Variants in PTPRZ1 observed in about 807,000 individuals in gnomAD.
The protein encoded by PTPRZ1 is receptor-type tyrosine-protein phosphatase zeta.
In PTPRZ1, 82 loss-of-function variants were observed where a neutral mutation model predicts 214.1. The observed-to-expected ratio is 0.38, with a 90% CI of 0.32 to 0.46. PTPRZ1 has a LOEUF of 0.46. PTPRZ1 is among the 20% of genes least tolerant of loss of function. The pLI is 1.00. For synonymous variants in PTPRZ1, 945 were observed against 987.9 expected (o/e 0.96, Z 0.81); for missense variants, 2,603 against 2,748.7 (o/e 0.95, Z 1.19).
At chr7:121,909,652 A>C (rs9918557) in intron 1 of PTPRZ1, among the ~76,000 whole-genome samples, 8,864 of 152,254 alleles carry the variant, frequency 0.058, 664 homozygotes, top group African/African-American at 0.17. Flanking sequence ...ATAACGTTGA[A>C]TACCTCTAAA....
chr7:121,977,028 A>G (rs1030042705), intron 6 of PTPRZ1, among the ~76,000 whole-genome samples, 177 bp downstream of exon 6: 2 of 152,202 alleles, frequency 1.3e-5, no homozygotes, highest in Non-Finnish European at 2.9e-5. Context: ...ATAAATAACA[A>G]TTTATCAGAA....
Position 122,044,574 on chromosome 7 carries a change from TCCTCTTGGAAG to T in PTPRZ1, c.6084+16_6084+26del. The stretch of plus-strand genomic sequence containing the variant: ...AGCTAGAGAAACAATTCCAGGTGAG[TCCTCTTGGAAG>T]CCTCTTGGATGTCACTACAGAACTG... On this transcript the variant is annotated splice_region_variant and intron_variant, in intron 23 of 29. Transcript: ENST00000393386. The T allele has an allele frequency of 1.2e-6, 2 of 1,612,730 alleles. No homozygotes were observed. The highest frequency in any genetic ancestry group is 1.7e-6 in the Non-Finnish European group (2 of 1,179,316).
chr7:121,958,397 T>G (rs902162567), intron 2 of PTPRZ1, among the ~76,000 whole-genome samples: 1 of 152,212 alleles, frequency 6.6e-6, no homozygotes, highest in African/African-American at 2.4e-5. Context: ...TGCAATTCCC[T>G]TTCAGGCCAC....
chr7:121,932,616 T>C (rs150362515), intron 2 of PTPRZ1, among the ~76,000 whole-genome samples: 234 of 152,264 alleles, frequency 1.5e-3, no homozygotes, highest in African/African-American at 5.3e-3. Flanking sequence ...TCTGAACATA[T>C]AGGATTCTAT....
At position 122,010,441 on chromosome 7, in the gene PTPRZ1, A is replaced by T. The variant is rs752225890; in HGVS notation, c.1395A>T (p.Thr465=). 1 of 1,614,064 alleles carries T rather than the reference A, an allele frequency of 6.2e-7. No individual in the cohort carries two copies. Residue 465 remains threonine (T), a synonymous_variant, in exon 12 of 30, where the codon ACA becomes ACT. Transcript: ENST00000393386. The stretch of plus-strand genomic sequence containing the variant: ...AGGAACCCCAGATTTCTACCACAAC[A>T]CACTACAATCGCATAGGGACGAAAT... ...RKKEPQISTT[T]HYNRIGTKYN...
chr7:121,919,787 T>C (rs965266184), intron 1 of PTPRZ1, among the ~76,000 whole-genome samples: 86 of 143,786 alleles, frequency 6.0e-4, no homozygotes, highest in African/African-American at 2.3e-3. Context: ...GTTAGTGCTG[T>C]TTGCTTTTTT....
At chr7:122,003,760 G>T (rs1053472761) in intron 10 of PTPRZ1, among the ~76,000 whole-genome samples, 2 of 152,182 alleles carry the variant, frequency 1.3e-5, no homozygotes, top group African/African-American at 4.8e-5. Flanking sequence ...CTCAGACCAA[G>T]ACTAAAGAAA....
intron 2 of PTPRZ1, among the ~76,000 whole-genome samples, chr7:121,934,758 A>C (rs911039240): frequency 4.6e-5 from 7 of 152,208 alleles, no homozygotes; most frequent in Non-Finnish European, 1.0e-4. Context: ...TGGATATTAT[A>C]GACAGATATT....
intron 15 of PTPRZ1, 101 bp from the exon 16 acceptor site, chr7:122,033,994 A>G: frequency 2.0e-6 from 2 of 1,022,298 alleles, no homozygotes; most frequent in Non-Finnish European, 3.0e-6. Context: ...GCATGATCAT[A>G]GTTTTCCATT....
In PTPRZ1 at chr7:121,968,117, C is replaced by T. The variant is rs780802327; in HGVS notation, c.291C>T (p.Asn97=). ...CATTGGAAAACACATTCATTCATAA[C>T]ACTGGGAAAACAGGTAAAATATTTG... is the stretch of plus-strand genomic sequence containing the variant. ...KTSLENTFIH[N]TGKTVEINLT... is the part of the protein sequence containing the mutation. The change falls in exon 3 of 30, where the codon AAC becomes AAT. Residue 97 remains asparagine (N), a synonymous_variant. Transcript: ENST00000393386. 3.1e-6 allele frequency: 5 copies of T among 1,598,170 alleles called. No individual in the cohort carries two copies. In the African/African-American group the frequency reaches 4.1e-5, roughly 13 times the overall value.
At chr7:121,949,398 C>A (rs1434119939) in intron 2 of PTPRZ1, among the ~76,000 whole-genome samples, 2 of 152,100 alleles carry the variant, frequency 1.3e-5, no homozygotes, top group Admixed American at 6.6e-5. Flanking sequence ...GAAAGTACCA[C>A]GCACATATGA....
At chr7:121,946,854 G>A (rs1423555708) in intron 2 of PTPRZ1, among the ~76,000 whole-genome samples, 1 of 152,066 alleles carries the variant, frequency 6.6e-6, no homozygotes, top group Non-Finnish European at 1.5e-5. Flanking sequence ...ATAACCTGAA[G>A]AGACATCAGA....
At chr7:121,910,289 C>T (rs1007854790) in intron 1 of PTPRZ1, among the ~76,000 whole-genome samples, 5 of 152,180 alleles carry the variant, frequency 3.3e-5, no homozygotes, top group Admixed American at 6.5e-5. Flanking sequence ...TAAAATTGCA[C>T]CTGCTCATGC....
chr7:121,997,999 T>G lies in PTPRZ1; in HGVS notation c.1233T>G (p.Asp411Glu). The change falls in exon 10 of 30, where the codon GAT becomes GAG. Residue 411 changes from aspartate to glutamate, a missense_variant. Coordinates refer to ENST00000393386, the MANE Select transcript of PTPRZ1 (RefSeq NM_002851.3). ...SDQLIVDMPT[D>E]NPELDLFPEL... ...AACTGATTGTCGACATGCCTACTGA[T>G]AATCCTGGTAAGTGCCACCAGATAC... is the stretch of plus-strand genomic sequence containing the variant. The G allele has an allele frequency of 6.2e-7, 1 of 1,612,558 alleles. No homozygotes were observed. Among genetic ancestry groups the G allele is most frequent in the Non-Finnish European group, 8.5e-7 (1 of 1,179,478 alleles).
At chr7:122,007,553 A>C (rs1258525145) in intron 11 of PTPRZ1, among the ~76,000 whole-genome samples, 2 of 152,160 alleles carry the variant, frequency 1.3e-5, no homozygotes, top group African/African-American at 4.8e-5. Context: ...CCAATCCACT[A>C]TTCACTTCCT....
intron 2 of PTPRZ1, among the ~76,000 whole-genome samples, chr7:121,953,972 A>AAAGTGATCATTCATCC (rs1796633898): frequency 6.6e-6 from 1 of 152,184 alleles, no homozygotes; most frequent in Non-Finnish European, 1.5e-5. Context: ...CAGAGTCATC[A>AAAGTGATCATTCATCC]AAGTGATCAT....
chr7:121,971,265 G>A (rs911921511), intron 3 of PTPRZ1, among the ~76,000 whole-genome samples: 10 of 151,976 alleles, frequency 6.6e-5, no homozygotes, highest in Admixed American at 2.0e-4. Context: ...TTTTCTTATT[G>A]TTAAACAATA....
chr7:121,970,495 T>A (rs1484544091), intron 3 of PTPRZ1, among the ~76,000 whole-genome samples: 1 of 152,274 alleles, frequency 6.6e-6, no homozygotes, highest in African/African-American at 2.4e-5. Context: ...ATCACCATTC[T>A]AACTGGTGTG....
intron 2 of PTPRZ1, among the ~76,000 whole-genome samples, chr7:121,966,492 A>C (rs1259547724): frequency 6.6e-6 from 1 of 152,160 alleles, no homozygotes; most frequent in Non-Finnish European, 1.5e-5. Context: ...CAGTGAAATA[A>C]ACATCATTAC....
Sources: allele counts gnomAD v4.1 joint callset (sites outside exome capture counted in the v4.1 genomes callset), GRCh38; gene constraint gnomAD v4.1.1; transcripts MANE v1.5; gene names NCBI Gene and HGNC (gene_info 2026-07-23, HGNC 2026-07-21).